APC2: variants seen among roughly 807,000 people sequenced by gnomAD.
APC2 encodes the protein adenomatous polyposis coli protein 2.
Under a neutral mutation model 72.5 loss-of-function variants are expected in APC2, and 41 were observed. The observed-to-expected ratio is 0.57, with a 90% confidence interval of 0.44 to 0.73. The LOEUF (loss-of-function observed/expected upper bound fraction) is 0.73. APC2 is among the 30% of genes least tolerant of loss of function. APC2 has a pLI of 0.00. For synonymous variants in APC2, 1,898 were observed against 1,612.0 expected (o/e 1.18, Z -4.25); for missense variants, 3,729 against 3,403.4 (o/e 1.10, Z -2.38).
At chr19:1,461,219 G>C in intron 13 of APC2, 66 bp downstream of exon 13, 1 of 1,402,050 alleles carries the variant, frequency 7.1e-7, no homozygotes, top group Non-Finnish European at 1.0e-6. Flanking sequence ...GGCGGCAGCG[G>C]GCGAGCTCTC....
At position 1,472,967 on chromosome 19, in the gene APC2, A is replaced by G. The variant is rs1467297732; in HGVS notation, c.*2754A>G. The stretch of plus-strand genomic sequence containing the variant: ...GTGCTGAACTCGGGGCGCCGTGCCC[A>G]CCGGCATGGTCCTCCCGAGCTCCGA... On this transcript the variant is annotated 3_prime_UTR_variant, in exon 15 of 15. Transcript: ENST00000590469. The G allele has an allele frequency of 6.6e-6, 1 of 151,486 alleles. No homozygotes were observed. 9.4% of individuals were successfully genotyped at this position (151,486 alleles called of 1,614,324 possible).
intron 14 of APC2, among the ~76,000 whole-genome samples, chr19:1,463,743 C>A (rs924467837): frequency 6.6e-6 from 1 of 150,712 alleles, no homozygotes; most frequent in South Asian, 2.1e-4. Context: ...GGAGTGAGAC[C>A]CTGTCTCAAT....
Position 1,465,948 on chromosome 19 carries a change from G to A in APC2, c.2647G>A (p.Ala883Thr). The change falls in exon 15 of 15, where the codon GCG becomes ACG. Residue 883 changes from alanine (A) to threonine (T), a missense_variant. By Grantham distance (58) the Ala-to-Thr change is moderately conservative. Transcript: ENST00000590469. ...CAGCTCTGGAGACCCGGGACAGGAG[G>A]CGCCACGGGAGGGCCGCGCCCAGTC... is the stretch of plus-strand genomic sequence containing the variant. ...SLSSGDPGQE[A>T]PREGRAQSCS... 1 of 1,579,398 alleles carries A rather than the reference G, an allele frequency of 6.3e-7. No homozygotes were observed. The highest frequency in any genetic ancestry group is 8.6e-7 in the Non-Finnish European group (1 of 1,168,448).
rs1425618842 is a variant in APC2, at chr19:1,466,548, G to C, written c.3247G>C (p.Gly1083Arg). The C allele has an allele frequency of 6.3e-7, 1 of 1,584,026 alleles. No individual in the cohort carries two copies. The highest frequency in any genetic ancestry group is 8.5e-7 in the Non-Finnish European group (1 of 1,172,998). The change falls in exon 15 of 15, where the codon GGC (glycine) becomes CGC (arginine). Residue 1083 changes from glycine to arginine, a missense_variant. Coordinates refer to ENST00000590469, the MANE Select transcript of APC2 (RefSeq NM_005883.3). ...CTCGCTGTCCTCGGCCGGCCGCCCA[G>C]GCCCCAGCGAGGGTGGTGACCTGGA... Reference protein sequence around the residue: ...LSSLSSAGRPGPSEGGDLDDS... With the variant: ...LSSLSSAGRPRPSEGGDLDDS...
At chr19:1,447,082 C>T (rs1165873791), upstream of APC2, among the ~76,000 whole-genome samples, 1 of 152,194 alleles carries the variant, frequency 6.6e-6, no homozygotes, top group East Asian at 1.9e-4. Flanking sequence ...AACTGAGGCC[C>T]ATAGCGGCGG....
chr19:1,467,657 G>A lies in APC2; in HGVS notation c.4356G>A (p.Ala1452=), dbSNP rs1199249396. The A allele has an allele frequency of 1.4e-5, 20 of 1,477,126 alleles. No homozygotes were observed. The highest frequency in any genetic ancestry group is 1.8e-5 in the Non-Finnish European group (20 of 1,121,842). The allele number at this position is 1,477,126 out of a possible 1,614,324, so 91.5% of individuals were successfully genotyped here. A position where few individuals can be genotyped will look rare whatever the true frequency, so the allele number is the denominator to read the frequency against. The change falls in exon 15 of 15, where the codon GCG becomes GCA. Residue 1452 remains alanine, a synonymous_variant. Coordinates refer to ENST00000590469, the MANE Select transcript of APC2 (RefSeq NM_005883.3). ...RHKAGGAGRS[A]EQSRGAGKNR... Reference sequence around the variant, plus strand: ...AGGCGGGAGGCGCCGGCCGCAGCGCGGAGCAGTCTCGGGGCGCGGGCAAGA... The same window carrying A: ...AGGCGGGAGGCGCCGGCCGCAGCGCAGAGCAGTCTCGGGGCGCGGGCAAGA...
rs1204869043 is a variant in APC2 at position 1,466,627 on chromosome 19, A to G, written c.3326A>G (p.Glu1109Gly). Residue 1109 changes from glutamate (E) to glycine (G), a missense_variant, in exon 15 of 15, where the codon GAG becomes GGG. Coordinates refer to ENST00000590469, the MANE Select transcript of APC2 (RefSeq NM_005883.3). Reference sequence around the variant, plus strand: ...GAGGAGGCCGGCCCCAGCGAGGCTGAGCTGGACAGCACGTGGCGGGCGCCC... The same window carrying G: ...GAGGAGGCCGGCCCCAGCGAGGCTGGGCTGGACAGCACGTGGCGGGCGCCC... Reference protein sequence around the residue: ...GLEEAGPSEAELDSTWRAPGA... With the variant: ...GLEEAGPSEAGLDSTWRAPGA... The G allele has an allele frequency of 6.6e-7, 1 of 1,515,558 alleles. No homozygotes were observed. Among genetic ancestry groups the G allele is most frequent in the Non-Finnish European group, 8.8e-7 (1 of 1,135,134 alleles). The allele number at this position is 1,515,558 out of a possible 1,614,324, so 93.9% of individuals were successfully genotyped here.
At position 1,469,365 on chromosome 19, in the gene APC2, C is replaced by G. The variant is rs1428906698; in HGVS notation, c.6064C>G (p.Gln2022Glu). ...SSAESAASAP[Q>E]GASPRRGRPA... ...GGCCGAGTCCGCGGCCTCTGCCCCC[C>G]AGGGCGCCTCGCCCCGCCGCGGCCG... The change falls in exon 15 of 15, where the codon CAG (glutamine) becomes GAG (glutamate). Residue 2022 changes from glutamine to glutamate, a missense_variant. Transcript: ENST00000590469. 5 of 1,264,940 alleles carry G rather than the reference C, an allele frequency of 4.0e-6. No homozygotes were observed. The highest frequency in any genetic ancestry group is 1.6e-5 in the African/African-American group (1 of 63,210). The allele number at this position is 1,264,940 out of a possible 1,614,324, so 78.4% of individuals were successfully genotyped here.
chr19:1,469,055 G>A lies in APC2; in HGVS notation c.5754G>A (p.Ala1918=), dbSNP rs1481630258. ...AAACGCCGGCGCGCACCCTTCTGGC[G>A]AAGCAGCACAAGACGCAGAGATCGC... ...VPKTPARTLL[A]KQHKTQRSPV... Residue 1918 remains alanine, a synonymous_variant, in exon 15 of 15, where the codon GCG becomes GCA. Coordinates refer to ENST00000590469, the MANE Select transcript of APC2 (RefSeq NM_005883.3). 1 of 1,534,490 alleles carries A rather than the reference G, an allele frequency of 6.5e-7. No homozygotes were observed.
rs1004455837 is a variant in APC2, at chr19:1,472,135, G to A, written c.*1922G>A. On this transcript the variant is annotated 3_prime_UTR_variant, in exon 15 of 15. Transcript: ENST00000590469. ...AGTGGGGCGACCTCCTGCCTGCCAG[G>A]AGCCCCCTTTCAGGACACAGCGGGG... The A allele has an allele frequency of 2.6e-5, 4 of 152,272 alleles. No homozygotes were observed. Among genetic ancestry groups the A allele is most frequent in the African/African-American group, 9.7e-5 (4 of 41,440 alleles). 9.4% of individuals were successfully genotyped at this position (152,272 alleles called of 1,614,324 possible). A position where few individuals can be genotyped will look rare whatever the true frequency, so the allele number is the denominator to read the frequency against.
upstream of APC2, among the ~76,000 whole-genome samples, chr19:1,447,947 A>C (rs1008553134): frequency 2.0e-5 from 3 of 152,120 alleles, no homozygotes; most frequent in Non-Finnish European, 4.4e-5. Context: ...GAGACATCTG[A>C]AACTACACAG....
rs200897976 is a variant in APC2 at position 1,453,018 on chromosome 19, C to T, written c.17C>T (p.Ala6Val). ...GAGCTGAAGATGGCGAGCTCCGTGG[C>T]GCCCTACGAGCAGCTGGTGAGGCAG... The part of the protein sequence containing the change: MASSV[A>V]PYEQLVRQVE... The change falls in exon 2 of 15, where the codon GCG (alanine) becomes GTG (valine). Residue 6 changes from alanine (A) to valine (V), a missense_variant. Physicochemically the swap from Ala to Val is moderately conservative, Grantham distance 64. Transcript: ENST00000590469. 2.6e-4 allele frequency: 421 copies of T among 1,611,232 alleles called. 2 individuals are homozygous for T. The East Asian group carries it at 4.1e-3, about 16-fold the overall frequency.
chr19:1,457,507 C>CT (rs1322282924), intron 9 of APC2: 1 of 553,208 alleles, frequency 1.8e-6, no homozygotes, highest in Non-Finnish European at 3.1e-6. Flanking sequence ...TGGGTGCAGA[C>CT]TTTGAGATTC....
In APC2 at chr19:1,466,536, G is replaced by A; in HGVS notation, c.3235G>A (p.Ala1079Thr). The change falls in exon 15 of 15, where the codon GCC becomes ACC. Residue 1079 changes from alanine to threonine, a missense_variant. Ala to Thr is a moderately conservative substitution (Grantham distance 58). Transcript: ENST00000590469. ...RCSSLSSLSS[A>T]GRPGPSEGGD... ...CAGCTCCCTTTCCTCGCTGTCCTCG[G>A]CCGGCCGCCCAGGCCCCAGCGAGGG... is the stretch of plus-strand genomic sequence containing the variant. The A allele has an allele frequency of 1.3e-6, 2 of 1,587,066 alleles. No homozygotes were observed. Among genetic ancestry groups the A allele is most frequent in the Middle Eastern group, 1.7e-4 (1 of 6,038 alleles).
intron 5 of APC2, 52 bp downstream of exon 5, chr19:1,455,309 G>C (rs765567854): frequency 1.9e-6 from 3 of 1,583,354 alleles, no homozygotes; most frequent in Non-Finnish European, 2.6e-6. Context: ...CTCAGGGTGC[G>C]GGAAGCGGCG....
rs1364231721 is a variant in APC2, at chr19:1,455,398, G to C, written c.537G>C (p.Gln179His). ...LPHVETQFSM[Q>H]MDLIRQQLEF... The stretch of plus-strand genomic sequence containing the variant: ...GCCTTTGCCAGCAGTTCTCGATGCA[G>C]ATGGACCTGATCCGGCAGCAGCTTG... Residue 179 changes from glutamine (Q) to histidine (H), a missense_variant, in exon 6 of 15, where the codon CAG (glutamine) becomes CAC (histidine). Transcript: ENST00000590469. 3 of 1,609,446 alleles carry C rather than the reference G, an allele frequency of 1.9e-6. No individual in the cohort carries two copies. Among genetic ancestry groups the C allele is most frequent in the East Asian group, 4.5e-5 (2 of 44,798 alleles).
upstream of APC2, among the ~76,000 whole-genome samples, chr19:1,449,226 A>C (rs76185694): frequency 1.6e-5 from 2 of 126,550 alleles, no homozygotes; most frequent in African/African-American, 7.4e-5. Context: ...CCCAGCACGG[A>C]AAAAAATCAC....
In APC2 at chr19:1,469,502, C is replaced by T. The variant is rs2084093451; in HGVS notation, c.6201C>T (p.Ser2067=). The T allele has an allele frequency of 8.8e-7, 1 of 1,132,884 alleles. No homozygotes were observed. The highest frequency in any genetic ancestry group is 2.6e-5 in the South Asian group (1 of 39,180). 70.2% of individuals were successfully genotyped at this position (1,132,884 alleles called of 1,614,324 possible). A position where few individuals can be genotyped will look rare whatever the true frequency, so the allele number is the denominator to read the frequency against. Residue 2067 remains serine (S), a synonymous_variant, in exon 15 of 15, where the codon AGC becomes AGT. Transcript: ENST00000590469. ...AGCGGCCCCCCGCGGCCCGACCCAG[C>T]CCTGGCGAGCGCCCTGCCCGGCGCA... ...ARQRPPAARP[S]PGERPARRTT...
rs2145234230 is a variant in APC2, at chr19:1,466,033, C to T, written c.2732C>T (p.Pro911Leu). The part of the protein sequence containing the change: ...GRREAGSRAH[P>L]LLRLKAAHAS... Reference sequence around the variant, plus strand: ...CGAGAGGCAGGAAGCCGGGCGCACCCGCTGCTGCGGCTCAAGGCGGCCCAC... The same window carrying T: ...CGAGAGGCAGGAAGCCGGGCGCACCTGCTGCTGCGGCTCAAGGCGGCCCAC... The change falls in exon 15 of 15, where the codon CCG (proline) becomes CTG (leucine). Residue 911 changes from proline to leucine, a missense_variant. Transcript: ENST00000590469. 6.7e-7 allele frequency: 1 copy of T among 1,496,234 alleles called. No individual in the cohort carries two copies. The highest frequency in any genetic ancestry group is 8.8e-7 in the Non-Finnish European group (1 of 1,133,026). 92.7% of individuals were successfully genotyped at this position (1,496,234 alleles called of 1,614,324 possible).
Sources: allele counts gnomAD v4.1 joint callset (sites outside exome capture counted in the v4.1 genomes callset), GRCh38; gene constraint gnomAD v4.1.1; transcripts MANE v1.5; gene names NCBI Gene and HGNC (gene_info 2026-07-23, HGNC 2026-07-21).